Variants in KCNQ3 observed in about 807,000 individuals in gnomAD.
The protein encoded by KCNQ3 is potassium voltage-gated channel subfamily KQT member 3.
A neutral mutation model predicts 92.5 loss-of-function variants in KCNQ3; 30 were observed. The observed-to-expected ratio is 0.32, with a 90% CI of 0.24 to 0.44. The LOEUF (loss-of-function observed/expected upper bound fraction) is 0.44. Ranked by LOEUF, KCNQ3 falls within the 20% of genes least tolerant of loss-of-function variation. The probability of loss-of-function intolerance (pLI) is 1.00; values close to 1 mark genes in which losing one functional copy is unlikely to be tolerated. For missense variants in KCNQ3, 913 were observed against 1,140.3 expected (o/e 0.80, Z 2.87); for synonymous variants, 450 against 468.8 (o/e 0.96, Z 0.52).
chr8:132,274,285 G>A (rs1816254737), intron 1 of KCNQ3, among the ~76,000 whole-genome samples: 1 of 152,188 alleles, frequency 6.6e-6, no homozygotes. Context: ...AAAAGAGAGA[G>A]CTTATGCATA....
chr8:132,210,438 C>G (rs1227689534), intron 1 of KCNQ3, among the ~76,000 whole-genome samples: 2 of 152,226 alleles, frequency 1.3e-5, no homozygotes, highest in African/African-American at 4.8e-5. Flanking sequence ...GAGTAAGGAG[C>G]AGTAGGCAAG....
chr8:132,463,146 G>A (rs1338457214), intron 1 of KCNQ3, among the ~76,000 whole-genome samples: 3 of 152,202 alleles, frequency 2.0e-5, no homozygotes, highest in Non-Finnish European at 4.4e-5. Context: ...AATTTAGTGG[G>A]ATTAAAAAGA....
rs1416942639 is a variant in KCNQ3 at position 132,409,853 on chromosome 8, AT to A, written c.386+70293del. 1.1e-4 allele frequency among the ~76,000 whole-genome samples: 16 copies of A among 152,184 alleles called. No individual in the cohort carries two copies. In the East Asian group the frequency reaches 2.7e-3, roughly 26 times the overall value. On this transcript the variant is annotated intron_variant, in intron 1 of 14. Coordinates refer to ENST00000388996, the MANE Select transcript of KCNQ3 (RefSeq NM_004519.4). The stretch of plus-strand genomic sequence containing the variant: ...TTGCCTGATGCCCAGAATTAACCAA[AT>A]TTTTTGGAATAATAATCCTTGGTCA...
chr8:132,221,149 T>C (rs898248610), intron 1 of KCNQ3, among the ~76,000 whole-genome samples: 48 of 152,222 alleles, frequency 3.2e-4, no homozygotes, highest in African/African-American at 1.1e-3. Flanking sequence ...CATGAACTCA[T>C]CCTTTTTTAT....
At chr8:132,218,799 T>A (rs992982890) in intron 1 of KCNQ3, among the ~76,000 whole-genome samples, 2 of 151,910 alleles carry the variant, frequency 1.3e-5, no homozygotes, top group Non-Finnish European at 2.9e-5. Flanking sequence ...CTATGATAAA[T>A]TTCCCTTACT....
At chr8:132,232,148 C>T (rs1290738823) in intron 1 of KCNQ3, among the ~76,000 whole-genome samples, 1 of 152,218 alleles carries the variant, frequency 6.6e-6, no homozygotes, top group East Asian at 1.9e-4. Context: ...GGAGCATCTA[C>T]TCTTGCTCTT....
At chr8:132,260,548 G>C (rs769639349) in intron 1 of KCNQ3, among the ~76,000 whole-genome samples, 1 of 152,170 alleles carries the variant, frequency 6.6e-6, no homozygotes. Flanking sequence ...AGAAGAGGAA[G>C]AGAGGAAGAG....
chr8:132,289,120 A>G (rs950997997), intron 1 of KCNQ3, among the ~76,000 whole-genome samples: 11 of 152,164 alleles, frequency 7.2e-5, no homozygotes, highest in Admixed American at 5.9e-4. Context: ...ATGCATCACT[A>G]AGACATGTTC....
At chr8:132,475,314 A>G (rs1822386079) in intron 1 of KCNQ3, among the ~76,000 whole-genome samples, 1 of 152,216 alleles carries the variant, frequency 6.6e-6, no homozygotes, top group African/African-American at 2.4e-5. Flanking sequence ...GGTAATGGGC[A>G]GAGGTTGGGA....
At position 132,170,303 on chromosome 8, in the gene KCNQ3, G is replaced by A. The variant is rs564520783; in HGVS notation, c.1235+31C>T. Reference sequence around the variant, plus strand: ...GACCGCAGGAGAGATGGCTGGTCACGCCCTGAGCATTCAGGTGAGTCCCCA... The same window carrying A: ...GACCGCAGGAGAGATGGCTGGTCACACCCTGAGCATTCAGGTGAGTCCCCA... On this transcript the variant is annotated intron_variant, in intron 8 of 14. Coordinates refer to ENST00000388996, the MANE Select transcript of KCNQ3 (RefSeq NM_004519.4). The A allele has an allele frequency of 9.0e-5, 135 of 1,500,314 alleles. No individual in the cohort carries two copies. In the South Asian group the frequency reaches 1.1e-3, roughly 12 times the overall value. The allele number at this position is 1,500,314 out of a possible 1,614,324, so 92.9% of individuals were successfully genotyped here.
At chr8:132,346,748 T>G (rs2130696789) in intron 1 of KCNQ3, among the ~76,000 whole-genome samples, 1 of 152,266 alleles carries the variant, frequency 6.6e-6, no homozygotes, top group Admixed American at 6.5e-5. Context: ...CCAGACTTGT[T>G]TAACCTGCAG....
At chr8:132,277,208 A>T (rs2130516129) in intron 1 of KCNQ3, among the ~76,000 whole-genome samples, 1 of 152,332 alleles carries the variant, frequency 6.6e-6, no homozygotes, top group South Asian at 2.1e-4. Flanking sequence ...ACAAATTAAA[A>T]CAAAACAAAA....
intron 1 of KCNQ3, among the ~76,000 whole-genome samples, chr8:132,233,002 T>C (rs964012827): frequency 5.3e-5 from 8 of 152,204 alleles, no homozygotes; most frequent in African/African-American, 1.9e-4. Context: ...TCTCTGGCAT[T>C]GCTAAGCTGC....
chr8:132,221,630 G>A (rs970065739), intron 1 of KCNQ3, among the ~76,000 whole-genome samples: 7 of 152,166 alleles, frequency 4.6e-5, no homozygotes, highest in African/African-American at 1.7e-4. Context: ...AGAAGTGTCT[G>A]TTCATATCCT....
chr8:132,273,872 AC>A (rs1306255965), intron 1 of KCNQ3, among the ~76,000 whole-genome samples: 1 of 152,202 alleles, frequency 6.6e-6, no homozygotes, highest in Non-Finnish European at 1.5e-5. Flanking sequence ...CCAGTTCCCA[AC>A]AAATTCCTCA....
At chr8:132,375,625 C>T (rs1487659746) in intron 1 of KCNQ3, among the ~76,000 whole-genome samples, 4 of 152,202 alleles carry the variant, frequency 2.6e-5, no homozygotes, top group Non-Finnish European at 4.4e-5. Context: ...TTAAGTGGTT[C>T]TGTTCCCTGC....
chr8:132,241,161 T>A (rs1282278599), intron 1 of KCNQ3, among the ~76,000 whole-genome samples: 2 of 152,134 alleles, frequency 1.3e-5, no homozygotes, highest in African/African-American at 4.8e-5. Flanking sequence ...AGTGCTGAGA[T>A]TACAGGTGTG....
intron 1 of KCNQ3, among the ~76,000 whole-genome samples, chr8:132,230,233 T>G (rs181538314): frequency 6.6e-6 from 1 of 152,256 alleles, no homozygotes; most frequent in East Asian, 1.9e-4. Flanking sequence ...CCCTGGAAGC[T>G]GCAAAGTCCT....
At chr8:132,453,869 G>A (rs1006486110) in intron 1 of KCNQ3, among the ~76,000 whole-genome samples, 4 of 152,270 alleles carry the variant, frequency 2.6e-5, no homozygotes, top group Middle Eastern at 3.4e-3. Context: ...TGCCAGAAGC[G>A]TGTCTGTGCA....
Sources: gnomAD v4.1 joint callset for allele counts (sites outside exome capture counted in the v4.1 genomes callset) on GRCh38, gnomAD v4.1.1 for gene constraint, MANE v1.5 for transcripts, NCBI Gene and HGNC (gene_info 2026-07-23, HGNC 2026-07-21) for gene names.